DAB2IP: variants seen among roughly 807,000 people sequenced by gnomAD.
The protein encoded by DAB2IP is disabled homolog 2-interacting protein.
In DAB2IP, 28 loss-of-function variants were observed where a neutral mutation model predicts 107.2. The ratio of observed to expected loss-of-function variants is 0.26; its 90% CI spans 0.19 to 0.36. DAB2IP has a LOEUF of 0.36. Among genes scored for constraint, DAB2IP ranks in the 10% least tolerant of loss-of-function variants. DAB2IP has a pLI of 1.00. For missense variants in DAB2IP, 1,400 were observed against 1,644.7 expected (o/e 0.85, Z 2.57); for synonymous variants, 755 against 706.4 (o/e 1.07, Z -1.09).
intron 2 of DAB2IP, among the ~76,000 whole-genome samples, chr9:121,682,234 G>A (rs1828637617): frequency 6.6e-6 from 1 of 152,198 alleles, no homozygotes; most frequent in Admixed American, 6.5e-5. Flanking sequence ...GCTCTGTGTA[G>A]ACCCTCGAGG....
chr9:121,768,095 T>C (rs563351691), intron 9 of DAB2IP, among the ~76,000 whole-genome samples: 7 of 151,976 alleles, frequency 4.6e-5, no homozygotes, highest in East Asian at 1.9e-4. Flanking sequence ...TGAAAGCTCA[T>C]TGGGAGACCT....
At chr9:121,575,153 C>A (rs986633366) in intron 1 of DAB2IP, 1 of 152,404 alleles carries the variant, frequency 6.6e-6, no homozygotes, top group Non-Finnish European at 1.5e-5. Context: ...GTGCATAGGA[C>A]GCGGACATTT....
chr9:121,783,864 G>A (rs10985372), exon 16 of DAB2IP: 39,648 of 434,934 alleles, frequency 0.091, 2,142 homozygotes, highest in Non-Finnish European at 0.12. Flanking sequence ...GGTCTCTCTC[G>A]GCCCCTGTCT....
At chr9:121,735,055 C>A (rs562988281) in intron 3 of DAB2IP, among the ~76,000 whole-genome samples, 1 of 152,312 alleles carries the variant, frequency 6.6e-6, no homozygotes, top group South Asian at 2.1e-4. Flanking sequence ...TCTATCTTCA[C>A]CTCTCCCCTG....
intron 3 of DAB2IP, among the ~76,000 whole-genome samples, chr9:121,715,365 T>TTTTA (rs1830545655): frequency 6.6e-6 from 1 of 150,882 alleles, no homozygotes; most frequent in African/African-American, 2.4e-5. Context: ...TTTTTTTTTT[T>TTTTA]GAGACAGAGT....
intron 1 of DAB2IP, among the ~76,000 whole-genome samples, chr9:121,570,023 G>A (rs781057925): frequency 3.3e-5 from 5 of 151,884 alleles, no homozygotes; most frequent in Non-Finnish European, 7.4e-5. Flanking sequence ...TAGAACTCTC[G>A]GGCTCAAGCA....
chr9:121,750,215 G>A (rs1454480344), intron 3 of DAB2IP, among the ~76,000 whole-genome samples: 1 of 152,226 alleles, frequency 6.6e-6, no homozygotes, highest in Non-Finnish European at 1.5e-5. Context: ...ATTTCATAAG[G>A]AATAGAGACT....
Position 121,770,530 on chromosome 9 carries a change from T to C in DAB2IP, c.1900-16T>C. 6.2e-7 allele frequency: 1 copy of C among 1,609,400 alleles called. No homozygotes were observed. The highest frequency in any genetic ancestry group is 8.5e-7 in the Non-Finnish European group (1 of 1,176,350). On this transcript the variant is annotated splice_polypyrimidine_tract_variant and intron_variant, in intron 10 of 15. Transcript: ENST00000408936. ...GTCCCAGGAGGTCACACCTGCCTCT[T>C]GCTGTGCCTTTACAGAGCATAGTAT...
intron 6 of DAB2IP, among the ~76,000 whole-genome samples, chr9:121,761,676 G>A (rs1833903889): frequency 6.6e-6 from 1 of 152,176 alleles, no homozygotes. Flanking sequence ...TTCCTCTGTA[G>A]TGCTCAGCTA....
At chr9:121,696,689 C>G (rs978602750) in intron 2 of DAB2IP, among the ~76,000 whole-genome samples, 1 of 152,218 alleles carries the variant, frequency 6.6e-6, no homozygotes, top group Non-Finnish European at 1.5e-5. Context: ...CTTCCCTACT[C>G]TGGTCCCCAG....
chr9:121,752,126 C>T (rs1056217650), intron 3 of DAB2IP: 9 of 717,908 alleles, frequency 1.3e-5, no homozygotes, highest in Admixed American at 6.3e-5. Flanking sequence ...ATGGGGGAAG[C>T]GGCCCATACT....
chr9:121,596,196 T>G (rs1484974733), intron 1 of DAB2IP, among the ~76,000 whole-genome samples: 5 of 152,206 alleles, frequency 3.3e-5, no homozygotes, highest in Non-Finnish European at 5.9e-5. Context: ...CTGGGCATGG[T>G]GGCGCATGCC....
At chr9:121,621,978 T>C (rs1328457977) in intron 1 of DAB2IP, among the ~76,000 whole-genome samples, 2 of 148,112 alleles carry the variant, frequency 1.4e-5, no homozygotes, top group African/African-American at 5.0e-5. Context: ...TTTTTCTTTT[T>C]TCTTTCTTTT....
chr9:121,630,115 T>G (rs558852626), intron 1 of DAB2IP, among the ~76,000 whole-genome samples: 15 of 152,314 alleles, frequency 9.8e-5, no homozygotes, highest in African/African-American at 3.6e-4. Context: ...TCATGTCCTA[T>G]TATTGTGGAC....
chr9:121,670,878 C>T (rs529701101), intron 1 of DAB2IP, among the ~76,000 whole-genome samples: 28 of 152,206 alleles, frequency 1.8e-4, no homozygotes, highest in African/African-American at 6.0e-4. Context: ...TTAGGCCGGG[C>T]GTGGTGGCTG....
intron 3 of DAB2IP, among the ~76,000 whole-genome samples, chr9:121,753,487 A>G (rs1299763950): frequency 6.6e-6 from 1 of 152,220 alleles, no homozygotes; most frequent in African/African-American, 2.4e-5. Flanking sequence ...GGGGGACGGC[A>G]GAAGCCCTGA....
intron 11 of DAB2IP, 55 bp downstream of exon 11, chr9:121,770,779 G>A: frequency 1.3e-6 from 2 of 1,584,510 alleles, no homozygotes; most frequent in Non-Finnish European, 1.7e-6. Flanking sequence ...ACTAGGCACA[G>A]CCCATCTGTA....
At chr9:121,674,969 C>A (rs1215485190) in intron 1 of DAB2IP, among the ~76,000 whole-genome samples, 1 of 151,958 alleles carries the variant, frequency 6.6e-6, no homozygotes, top group Non-Finnish European at 1.5e-5. Flanking sequence ...CCTGGTGATC[C>A]CAAGACCCCT....
At chr9:121,681,110 G>T (rs1828578429) in intron 2 of DAB2IP, among the ~76,000 whole-genome samples, 1 of 152,122 alleles carries the variant, frequency 6.6e-6, no homozygotes, top group African/African-American at 2.4e-5. Context: ...TTTCCCAGGT[G>T]AGGAAACAGG....
Sources: allele counts gnomAD v4.1 joint callset (sites outside exome capture counted in the v4.1 genomes callset), GRCh38; gene constraint gnomAD v4.1.1; transcripts MANE v1.5; gene names NCBI Gene and HGNC (gene_info 2026-07-23, HGNC 2026-07-21).